LPA: variants seen among roughly 807,000 people sequenced by gnomAD.
LPA encodes lipoprotein(a).
Under a neutral mutation model 197.9 loss-of-function variants are expected in LPA, and 199 were observed. The ratio of observed to expected loss-of-function variants is 1.01; its 90% CI spans 0.90 to 1.13. The LOEUF (loss-of-function observed/expected upper bound fraction) is 1.13, where lower values mean the gene tolerates loss of function less well. Among genes scored for constraint, LPA ranks in the 50% most tolerant of loss-of-function variants. LPA has a pLI of 0.00. For missense variants in LPA, 1,853 were observed against 1,785.8 expected, an observed-to-expected ratio of 1.04 and a Z score of -0.68; for synonymous variants, 715 against 639.5, an observed-to-expected ratio of 1.12 and a Z score of -1.78.
chr6:160,600,423 C>T (rs778382679), intron 19 of LPA, among the ~76,000 whole-genome samples: 8 of 152,100 alleles, frequency 5.3e-5, no homozygotes, highest in Admixed American at 3.3e-4. Flanking sequence ...GATAGAGCTT[C>T]GGGAGCTCAT....
At chr6:160,615,492 C>CT (rs1186781489) in intron 14 of LPA, among the ~76,000 whole-genome samples, 1 of 119,920 alleles carries the variant, frequency 8.3e-6, no homozygotes, top group Non-Finnish European at 1.7e-5. Context: ...TTAAGACATA[C>CT]TTTTTTTATA....
chr6:160,569,296 G>GACC (rs1436685822), intron 28 of LPA, among the ~76,000 whole-genome samples: 1 of 151,900 alleles, frequency 6.6e-6, no homozygotes, highest in Non-Finnish European at 1.5e-5. Flanking sequence ...ATAGACCAAT[G>GACC]GAACAGAACA....
At chr6:160,571,524 T>C (rs1778561070) in intron 28 of LPA, among the ~76,000 whole-genome samples, 1 of 152,190 alleles carries the variant, frequency 6.6e-6, no homozygotes, top group South Asian at 2.1e-4. Flanking sequence ...GAGTTTTATC[T>C]ATAAGCTTCT....
Position 160,531,770 on chromosome 6 carries a change from T to C in LPA, c.6082A>G (p.Arg2028Gly). The change falls in exon 39 of 39, where the codon AGG becomes GGG. Residue 2028 changes from arginine (R) to glycine (G), a missense_variant. This residue lies in a region of LPA where 1,737 missense variants were observed against 1,504.4 expected (regional missense o/e 1.15). Transcript: ENST00000316300. ...NKPGVYARVS[R>G]FVTWIEGMMR... Reference sequence around the variant, plus strand: ...ATTCCCTCAATCCAAGTAACAAACCTTGAAACACGAGCATAGACACCAGGC... The same window carrying C: ...ATTCCCTCAATCCAAGTAACAAACCCTGAAACACGAGCATAGACACCAGGC... 2 of 1,614,112 alleles carry C rather than the reference T, an allele frequency of 1.2e-6. No individual in the cohort carries two copies. The highest frequency in any genetic ancestry group is 1.7e-6 in the Non-Finnish European group (2 of 1,180,000).
At chr6:160,534,295 C>T (rs546533348) in intron 37 of LPA, among the ~76,000 whole-genome samples, 5 of 152,334 alleles carry the variant, frequency 3.3e-5, no homozygotes, top group Non-Finnish European at 7.3e-5. Flanking sequence ...GATTTGCTCT[C>T]TGAGCAAGGC....
intron 2 of LPA, among the ~76,000 whole-genome samples, chr6:160,647,500 A>T (rs1467502763): frequency 6.6e-6 from 1 of 152,320 alleles, no homozygotes. Flanking sequence ...CATTCCAGGA[A>T]GCTCATTCAA....
At chr6:160,570,492 G>A (rs943985023) in intron 28 of LPA, among the ~76,000 whole-genome samples, 3 of 152,124 alleles carry the variant, frequency 2.0e-5, no homozygotes, top group Non-Finnish European at 4.4e-5. Flanking sequence ...TCATGGGATG[G>A]GGGGAGTGGG....
chr6:160,653,112 G>A (rs1780035245), intron 1 of LPA, among the ~76,000 whole-genome samples: 1 of 152,082 alleles, frequency 6.6e-6, no homozygotes, highest in Admixed American at 6.6e-5. Flanking sequence ...AAATACTAGT[G>A]AAAATAGAGC....
rs187011504 is a variant in LPA at position 160,651,674 on chromosome 6, A to G, written c.50-1177T>C. Among the ~76,000 whole-genome samples the G allele has an allele frequency of 2.5e-3, 374 of 152,358 alleles. 1 individual carries two copies. Among genetic ancestry groups the G allele is most frequent in the South Asian group, 8.3e-3 (40 of 4,834 alleles). On this transcript the variant is annotated intron_variant, in intron 1 of 38. Coordinates refer to ENST00000316300, the MANE Select transcript of LPA (RefSeq NM_005577.4). ...AAAAGCTGAAGAGGGAAGATAAGTC[A>G]CTGTTAAATAATAAAGCAATCAAGA... is the stretch of plus-strand genomic sequence containing the variant.
chr6:160,576,137 T>G (rs1301235777), intron 28 of LPA, among the ~76,000 whole-genome samples: 1 of 151,866 alleles, frequency 6.6e-6, no homozygotes, highest in Non-Finnish European at 1.5e-5. Flanking sequence ...TATAGTCATT[T>G]ACTTCCAAAA....
Position 160,549,598 on chromosome 6 carries a change from C to G in LPA, c.4974-939G>C, listed in dbSNP as rs372582574. ...CTAGTCGTGTAGCTAAAAGGCTCTGCATTTACAGTGAAAAACAACCATGAA... is the reference window on the plus strand; with the variant it reads ...CTAGTCGTGTAGCTAAAAGGCTCTGGATTTACAGTGAAAAACAACCATGAA... On this transcript the variant is annotated intron_variant, in intron 30 of 38. Transcript: ENST00000316300. Among the ~76,000 whole-genome samples, 57 of 152,304 alleles carry G rather than the reference C, an allele frequency of 3.7e-4. No individual in the cohort carries two copies. The South Asian group carries it at 0.011, about 30-fold the overall frequency.
intron 27 of LPA, 146 bp from the exon 28 acceptor site, chr6:160,577,441 C>A (rs1270864216): frequency 1.5e-6 from 1 of 673,000 alleles, no homozygotes; most frequent in Non-Finnish European, 2.6e-6. Flanking sequence ...TGAAAAGACC[C>A]AGTAGATTCA....
chr6:160,537,285 C>T (rs140804561), intron 37 of LPA, among the ~76,000 whole-genome samples: 56 of 152,276 alleles, frequency 3.7e-4, no homozygotes, highest in Admixed American at 1.2e-3. Context: ...TACCAAATGC[C>T]ATCCTAGACT....
intron 16 of LPA, 24 bp from the exon 17 acceptor site, chr6:160,606,682 G>A (rs749543302): frequency 5.0e-6 from 8 of 1,613,214 alleles, no homozygotes; most frequent in African/African-American, 4.0e-5. Flanking sequence ...AACGATACAC[G>A]TCACAAGAGG....
chr6:160,543,243 A>G (rs576996307), intron 33 of LPA, among the ~76,000 whole-genome samples: 7 of 152,138 alleles, frequency 4.6e-5, no homozygotes, highest in Admixed American at 6.5e-5. Flanking sequence ...ATGTGCCTCT[A>G]TTCTTCTTTT....
At position 160,589,694 on chromosome 6, in the gene LPA, G is replaced by A. The variant is rs765360409; in HGVS notation, c.3806C>T (p.Pro1269Leu). ...ACCATGGTAGCAGTCCTGGACTGTG[G>A]GGCTTTGCTCCGTTGGTGCTGAAAT... is the stretch of plus-strand genomic sequence containing the variant. ...VSEQAPTEQS[P>L]TVQDCYHGDG... Residue 1269 changes from proline to leucine, a missense_variant, in exon 24 of 39, where the codon CCC (proline) becomes CTC (leucine). This residue lies in a region of LPA where 1,737 missense variants were observed against 1,504.4 expected (regional missense o/e 1.15). Coordinates refer to ENST00000316300, the MANE Select transcript of LPA (RefSeq NM_005577.4). 1.2e-6 allele frequency: 2 copies of A among 1,613,888 alleles called. No individual in the cohort carries two copies. Among genetic ancestry groups the A allele is most frequent in the East Asian group, 4.5e-5 (2 of 44,864 alleles).
chr6:160,578,667 C>G lies in LPA; in HGVS notation c.4327G>C (p.Glu1443Gln). Residue 1443 changes from glutamate to glutamine, a missense_variant, in exon 27 of 39, where the codon GAG becomes CAG. By Grantham distance (29) the Glu-to-Gln change is conservative. Coordinates refer to ENST00000316300, the MANE Select transcript of LPA (RefSeq NM_005577.4). ...ATGGTGTAACACCAAGGGCGAATCT[C>G]AGCATCTGGATTCCTGCAGTAGTTC... The part of the protein sequence containing the change: ...TRNYCRNPDA[E>Q]IRPWCYTMDP... The G allele has an allele frequency of 6.2e-7, 1 of 1,613,942 alleles. No individual in the cohort carries two copies. The highest frequency in any genetic ancestry group is 1.7e-4 in the Middle Eastern group (1 of 5,992).
At chr6:160,648,262 A>AT (rs1454933504) in intron 2 of LPA, among the ~76,000 whole-genome samples, 1 of 151,784 alleles carries the variant, frequency 6.6e-6, no homozygotes, top group Non-Finnish European at 1.5e-5. Context: ...TCCTTACGAG[A>AT]TTTTTCTGTG....
chr6:160,661,427 T>C (rs941772297), intron 1 of LPA, among the ~76,000 whole-genome samples: 8 of 152,170 alleles, frequency 5.3e-5, no homozygotes, highest in Admixed American at 2.6e-4. Flanking sequence ...CATGTGTTTG[T>C]ATGCCGATGA....
Sources: allele counts gnomAD v4.1 joint callset (sites outside exome capture counted in the v4.1 genomes callset), GRCh38; gene constraint gnomAD v4.1.1; regional missense constraint gnomAD v4.1.1; transcripts MANE v1.5; gene names NCBI Gene and HGNC (gene_info 2026-07-23, HGNC 2026-07-21).